The following ABLIM2 variants were observed in gnomAD, a reference collection of about 807,000 sequenced individuals.
ABLIM2 encodes actin-binding LIM protein 2.
A neutral mutation model predicts 97.7 loss-of-function variants in ABLIM2; 53 were observed. The ratio of observed to expected loss-of-function variants is 0.54; its 90% CI spans 0.44 to 0.68. The LOEUF (loss-of-function observed/expected upper bound fraction) is 0.68. Ranked by LOEUF, ABLIM2 falls within the 30% of genes least tolerant of loss-of-function variation. The pLI, the probability that ABLIM2 is intolerant of heterozygous loss-of-function variation, is 0.00. For synonymous variants in ABLIM2, 361 were observed against 345.8 expected (o/e 1.04, Z -0.49); for missense variants, 835 against 867.2 (o/e 0.96, Z 0.47).
chr4:8,106,642 TGG>T lies in ABLIM2; in HGVS notation c.11-7_11-6del. The T allele has an allele frequency of 6.2e-7, 1 of 1,602,750 alleles. No homozygotes were observed. The highest frequency in any genetic ancestry group is 8.5e-7 in the Non-Finnish European group (1 of 1,174,394). ...GAGCAGCCTGGGGCTGCGACACTGT[TGG>T]GAAAGAGAGAAGAGCAGCGTTCAAG... On this transcript the variant is annotated splice_polypyrimidine_tract_variant and splice_region_variant and intron_variant, in intron 1 of 20. Coordinates refer to ENST00000447017, the MANE Select transcript of ABLIM2 (RefSeq NM_001130083.2).
rs115447164 is a variant in ABLIM2, at chr4:8,073,279, T to C, written c.675+4349A>G. ...GAGTCAGGATAGAAATGGGGTCTCA[T>C]AGAGAGTGAGCCACCCAGGCCGTCC... On this transcript the variant is annotated intron_variant, in intron 6 of 20. Coordinates refer to ENST00000447017, the MANE Select transcript of ABLIM2 (RefSeq NM_001130083.2). Among the ~76,000 whole-genome samples, 845 of 151,182 alleles carry C rather than the reference T, an allele frequency of 5.6e-3. 7 individuals carry two copies. The highest frequency in any genetic ancestry group is 8.2e-3 in the Non-Finnish European group (558 of 67,780).
chr4:8,000,498 T>A (rs534679531), intron 16 of ABLIM2, among the ~76,000 whole-genome samples: 2 of 152,204 alleles, frequency 1.3e-5, no homozygotes, highest in Admixed American at 1.3e-4. Flanking sequence ...AGCGCCCGCA[T>A]GCAGTGCCCA....
At chr4:8,007,282 G>A (rs1030664104) in intron 16 of ABLIM2, 2 of 985,242 alleles carry the variant, frequency 2.0e-6, no homozygotes, top group African/African-American at 3.5e-5. Context: ...GGTCAGTGGT[G>A]AGCTCAGATT....
intron 9 of ABLIM2, among the ~76,000 whole-genome samples, chr4:8,037,562 C>T (rs1048739583): frequency 2.0e-5 from 3 of 152,076 alleles, no homozygotes; most frequent in African/African-American, 7.2e-5. Flanking sequence ...CCGGCACACC[C>T]CCACACACTG....
chr4:8,158,581 TCCCCGGCGTTG>T, intron 1 of ABLIM2, 88 bp downstream of exon 1: 1 of 1,400,108 alleles, frequency 7.1e-7, no homozygotes, highest in East Asian at 2.9e-5. Flanking sequence ...TGGGTGATTT[TCCCCGGCGTTG>T]CAGGTGCAGC....
chr4:8,143,161 G>GGGT (rs1561628385), intron 1 of ABLIM2, among the ~76,000 whole-genome samples: 1 of 139,804 alleles, frequency 7.2e-6, no homozygotes, highest in Admixed American at 7.0e-5. Context: ...GGCGAGAGTG[G>GGGT]GGGGGGGGGG....
In ABLIM2 at chr4:7,992,717, G is replaced by A. The variant is rs1015123737; in HGVS notation, c.1680+149C>T. ...GGAAAAAGCAGTGGTGGCAGTGGCA[G>A]CCCCTGGGAAGGGCATCAGGCAGAG... On this transcript the variant is annotated intron_variant, in intron 17 of 20. Transcript: ENST00000447017. The surrounding 1 kb of genome is among the most constrained non-coding windows in gnomAD (Gnocchi z 5.7). 46 of 802,950 alleles carry A rather than the reference G, an allele frequency of 5.7e-5. No individual in the cohort carries two copies. Among genetic ancestry groups the A allele is most frequent in the Admixed American group, 4.8e-4 (22 of 45,868 alleles). 49.7% of individuals were successfully genotyped at this position (802,950 alleles called of 1,614,324 possible).
chr4:8,144,919 A>G (rs1342537989), intron 1 of ABLIM2, among the ~76,000 whole-genome samples: 1 of 152,208 alleles, frequency 6.6e-6, no homozygotes, highest in African/African-American at 2.4e-5. Context: ...TGAGAATTTG[A>G]AAGAACCCGT....
intron 1 of ABLIM2, among the ~76,000 whole-genome samples, chr4:8,109,587 G>T (rs908281876): frequency 2.6e-5 from 4 of 152,230 alleles, no homozygotes; most frequent in Middle Eastern, 6.8e-3. Context: ...CTCGCCTAGG[G>T]TCCCTGCCCA....
In ABLIM2 at chr4:8,149,412, GGGCAGGTCCCAGCTCCAGGCTGCAGAGCA is replaced by G. The variant is rs1271154457; in HGVS notation, c.10+9239_10+9267del. ...CATCCAAGAGGAGGTATTTCAGAGAGGGCAGGTCCCAGCTCCAGGCTGCAGAGCAGGCAGGAGCAGGCACAAATCTCCAC... is the reference window on the plus strand; with the variant it reads ...CATCCAAGAGGAGGTATTTCAGAGAGGGCAGGAGCAGGCACAAATCTCCAC... On this transcript the variant is annotated intron_variant, in intron 1 of 20. Coordinates refer to ENST00000447017, the MANE Select transcript of ABLIM2 (RefSeq NM_001130083.2). The surrounding 1 kb of genome is among the most constrained non-coding windows in gnomAD (Gnocchi z 6.4). Among the ~76,000 whole-genome samples, 8 of 152,096 alleles carry G rather than the reference GGGCAGGTCCCAGCTCCAGGCTGCAGAGCA, an allele frequency of 5.3e-5. No homozygotes were observed. The highest frequency in any genetic ancestry group is 2.0e-4 in the Admixed American group (3 of 15,268).
chr4:7,976,188 G>A (rs1460933368), intron 20 of ABLIM2, among the ~76,000 whole-genome samples: 1 of 152,184 alleles, frequency 6.6e-6, no homozygotes, highest in Non-Finnish European at 1.5e-5. Context: ...CATGGGCACA[G>A]AGCATCTGGC....
chr4:8,037,553 C>T (rs74518238), intron 9 of ABLIM2, among the ~76,000 whole-genome samples: 4,281 of 151,954 alleles, frequency 0.028, 180 homozygotes, highest in African/African-American at 0.095. Flanking sequence ...CACACACAAC[C>T]GGCACACCCC....
At position 8,155,667 on chromosome 4, in the gene ABLIM2, C is replaced by T. The variant is rs1715069138; in HGVS notation, c.10+3013G>A. On this transcript the variant is annotated intron_variant, in intron 1 of 20. Coordinates refer to ENST00000447017, the MANE Select transcript of ABLIM2 (RefSeq NM_001130083.2). The surrounding 1 kb of genome is among the most constrained non-coding windows in gnomAD (Gnocchi z 4.2). ...GGAGACAGGACCTTTAAGGAGACCA[C>T]TAAGGTGAAACGAGGTCATGAGGGT... Among the ~76,000 whole-genome samples, 1 of 152,172 alleles carries T rather than the reference C, an allele frequency of 6.6e-6. No individual in the cohort carries two copies. The highest frequency in any genetic ancestry group is 2.4e-5 in the African/African-American group (1 of 41,432).
intron 9 of ABLIM2, among the ~76,000 whole-genome samples, chr4:8,042,839 C>CAAAAA (rs35649540): frequency 8.0e-5 from 5 of 62,388 alleles, no homozygotes; most frequent in Non-Finnish European, 9.3e-5. Context: ...AACTCCAACT[C>CAAAAA]AAAAAAAAAA....
At position 8,032,651 on chromosome 4, in the gene ABLIM2, G is replaced by T. The variant is rs369004320; in HGVS notation, c.1048-2875C>A. 1.2e-6 allele frequency: 2 copies of T among 1,612,370 alleles called. No individual in the cohort carries two copies. The highest frequency in any genetic ancestry group is 1.3e-5 in the African/African-American group (1 of 74,876). The stretch of plus-strand genomic sequence containing the variant: ...CAGGCGAGAGGGTGGTGGTTACCTC[G>T]GTCGGCGTTGGCGAGAGCAACTGAG... On this transcript the variant is annotated intron_variant, in intron 10 of 20. Coordinates refer to ENST00000447017, the MANE Select transcript of ABLIM2 (RefSeq NM_001130083.2). This position sits in a 1 kb window ranked among gnomAD's most constrained non-coding sequence, Gnocchi z 4.3.
intron 1 of ABLIM2, among the ~76,000 whole-genome samples, chr4:8,133,160 T>C (rs1431161933): frequency 6.6e-6 from 1 of 152,198 alleles, no homozygotes; most frequent in Non-Finnish European, 1.5e-5. Context: ...GCCTCCTCCC[T>C]GCGTGAGTTC....
intron 1 of ABLIM2, among the ~76,000 whole-genome samples, chr4:8,152,253 C>T (rs570976936): frequency 4.6e-5 from 7 of 152,350 alleles, no homozygotes; most frequent in African/African-American, 1.2e-4. Flanking sequence ...AGACAGCGCC[C>T]GCCTAGCCAG....
chr4:8,151,268 G>A (rs951519417), intron 1 of ABLIM2, among the ~76,000 whole-genome samples: 3 of 152,156 alleles, frequency 2.0e-5, no homozygotes, highest in Non-Finnish European at 2.9e-5. Context: ...CACCCAGCTC[G>A]TTATCCGCAG....
At position 7,970,240 on chromosome 4, in the gene ABLIM2, G is replaced by C. The variant is rs1157401884; in HGVS notation, c.1825-3137C>G. Among the ~76,000 whole-genome samples, 8 of 152,092 alleles carry C rather than the reference G, an allele frequency of 5.3e-5. No homozygotes were observed. The highest frequency in any genetic ancestry group is 1.9e-4 in the African/African-American group (8 of 41,428). The stretch of plus-strand genomic sequence containing the variant: ...AAGGAGGGGAGGCTGACACCGGAAG[G>C]GCGAGGAGAGTTCAGTGCTGGTGCC... On this transcript the variant is annotated intron_variant, in intron 20 of 20. Coordinates refer to ENST00000447017, the MANE Select transcript of ABLIM2 (RefSeq NM_001130083.2). This position sits in a 1 kb window ranked among gnomAD's most constrained non-coding sequence, Gnocchi z 5.3.
Sources: gnomAD v4.1 joint callset for allele counts (sites outside exome capture counted in the v4.1 genomes callset) on GRCh38, gnomAD v4.1.1 for gene constraint, Gnocchi (gnomAD v3.1) non-coding constraint, MANE v1.5 for transcripts, NCBI Gene and HGNC (gene_info 2026-07-23, HGNC 2026-07-21) for gene names.